Variants in ABCD3 observed in about 807,000 individuals in gnomAD.
ABCD3 encodes the protein ATP-binding cassette sub-family D member 3.
A neutral mutation model predicts 105.5 loss-of-function variants in ABCD3; 41 were observed. That is an observed-to-expected ratio of 0.39 (90% CI 0.30 to 0.50). The LOEUF (loss-of-function observed/expected upper bound fraction) is 0.50. ABCD3 is among the 20% of genes least tolerant of loss of function. The probability of loss-of-function intolerance (pLI) is 0.84; values close to 1 mark genes in which losing one functional copy is unlikely to be tolerated. For missense variants in ABCD3, 622 were observed against 806.3 expected (o/e 0.77, Z 2.77); for synonymous variants, 258 against 269.0 (o/e 0.96, Z 0.40).
At chr1:94,485,326 C>T (rs1306587667) in intron 10 of ABCD3, among the ~76,000 whole-genome samples, 1 of 152,084 alleles carries the variant, frequency 6.6e-6, no homozygotes, top group African/African-American at 2.4e-5. Context: ...AAAATCTTGC[C>T]TTTAAGGAGC....
chr1:94,411,910 G>T, the ABCD3 span, among the ~76,000 whole-genome samples: 3 of 152,168 alleles, frequency 2.0e-5, no homozygotes, highest in South Asian at 2.1e-4. Context: ...GGCACATATT[G>T]TATGATTCTA....
At chr1:94,406,605 C>T in the ABCD3 span, 2 of 278,752 alleles carry the variant, frequency 7.2e-6, no homozygotes, top group African/African-American at 2.3e-5. Flanking sequence ...GTAATGTGCT[C>T]AGTACACACA....
intron 1 of ABCD3, chr1:94,418,790 G>A: frequency 1.7e-6 from 1 of 598,370 alleles, no homozygotes; most frequent in South Asian, 2.0e-5. Context: ...GGCCTGTCCG[G>A]CGACCTCGCT....
At chr1:94,504,543 G>A (rs978255790) in intron 20 of ABCD3, among the ~76,000 whole-genome samples, 2 of 152,218 alleles carry the variant, frequency 1.3e-5, no homozygotes, top group South Asian at 4.1e-4. Flanking sequence ...AAAGAATGAT[G>A]TGTGTTTAAG....
intron 20 of ABCD3, among the ~76,000 whole-genome samples, chr1:94,503,204 G>C (rs1650184031): frequency 6.6e-6 from 1 of 152,150 alleles, no homozygotes; most frequent in African/African-American, 2.4e-5. Flanking sequence ...GCATTAAGTA[G>C]CTGACAGCAT....
intron 1 of ABCD3, among the ~76,000 whole-genome samples, chr1:94,444,918 A>G (rs1463109127): frequency 6.6e-6 from 1 of 152,204 alleles, no homozygotes; most frequent in Non-Finnish European, 1.5e-5. Context: ...GGTTTACCGG[A>G]ATGAGGGCAA....
chr1:94,418,705 G>T, intron 1 of ABCD3, 117 bp downstream of exon 1: 1 of 1,071,488 alleles, frequency 9.3e-7, no homozygotes, highest in Admixed American at 2.1e-5. Context: ...CGGAGAGAGG[G>T]CCGACCGCGA....
intron 9 of ABCD3, chr1:94,481,790 T>C (rs1649037999): frequency 6.6e-6 from 1 of 152,210 alleles, no homozygotes; most frequent in Admixed American, 6.6e-5. Context: ...CAACTGACTT[T>C]CCCTCATATC....
chr1:94,458,919 A>T (rs1432259225), intron 2 of ABCD3, among the ~76,000 whole-genome samples: 1 of 141,330 alleles, frequency 7.1e-6, no homozygotes, highest in Non-Finnish European at 1.5e-5. Flanking sequence ...TATCTTTTGT[A>T]TCGAGATATA....
intron 1 of ABCD3, chr1:94,419,325 T>G (rs560798001): frequency 1.3e-4 from 126 of 985,250 alleles, no homozygotes; most frequent in Admixed American, 6.8e-4. Flanking sequence ...GTGGTTTAGG[T>G]GAGGATCAAG....
At chr1:94,452,531 G>A (rs889518634) in intron 1 of ABCD3, among the ~76,000 whole-genome samples, 1 of 152,064 alleles carries the variant, frequency 6.6e-6, no homozygotes, top group South Asian at 2.1e-4. Context: ...ACCATTTTAT[G>A]GAATTTGGAT....
the ABCD3 span, among the ~76,000 whole-genome samples, chr1:94,397,509 A>G: frequency 3.1e-4 from 47 of 152,220 alleles, no homozygotes; most frequent in East Asian, 6.2e-3. Context: ...GTTTCTTCAT[A>G]ATTAGTTGGG....
At chr1:94,494,280 G>T (rs1011354611) in intron 16 of ABCD3, among the ~76,000 whole-genome samples, 5 of 152,006 alleles carry the variant, frequency 3.3e-5, no homozygotes, top group Non-Finnish European at 7.4e-5. Context: ...GTCCTTACTT[G>T]TTGGAGTGTT....
chr1:94,447,144 G>A (rs535108510), intron 1 of ABCD3, among the ~76,000 whole-genome samples: 71 of 152,304 alleles, frequency 4.7e-4, no homozygotes, highest in African/African-American at 1.7e-3. Context: ...TAACAGATAA[G>A]CCAATTTGGA....
At chr1:94,462,482 T>C (rs1468051929) in intron 2 of ABCD3, among the ~76,000 whole-genome samples, 1 of 152,134 alleles carries the variant, frequency 6.6e-6, no homozygotes. Flanking sequence ...CAATGATAAT[T>C]TGGAAGAATA....
chr1:94,438,106 G>A (rs1040577732), intron 1 of ABCD3, among the ~76,000 whole-genome samples: 2 of 152,002 alleles, frequency 1.3e-5, no homozygotes, highest in Admixed American at 1.3e-4. Context: ...GGCCAACATG[G>A]TGAAACCCCA....
intron 1 of ABCD3, among the ~76,000 whole-genome samples, chr1:94,436,204 A>G (rs1659896348): frequency 6.6e-6 from 1 of 152,218 alleles, no homozygotes; most frequent in Non-Finnish European, 1.5e-5. Context: ...CACGATATGC[A>G]TACTGACACT....
chr1:94,474,501 G>A (rs1338622151), intron 5 of ABCD3, among the ~76,000 whole-genome samples: 1 of 152,150 alleles, frequency 6.6e-6, no homozygotes, highest in Non-Finnish European at 1.5e-5. Flanking sequence ...ATCCAGTTAT[G>A]TTGAAATTGC....
intron 16 of ABCD3, among the ~76,000 whole-genome samples, chr1:94,492,337 TTAAG>T (rs758197349): frequency 3.9e-5 from 6 of 152,206 alleles, no homozygotes; most frequent in South Asian, 2.1e-4. Context: ...TGTTACAGTC[TTAAG>T]TAAGTCTTCA....
Sources: allele counts gnomAD v4.1 joint callset (sites outside exome capture counted in the v4.1 genomes callset), GRCh38; gene constraint gnomAD v4.1.1; transcripts MANE v1.5; gene names NCBI Gene and HGNC (gene_info 2026-07-23, HGNC 2026-07-21).